Variants in MEX3C observed in about 807,000 individuals in gnomAD.
MEX3C encodes the protein RNA-binding E3 ubiquitin-protein ligase MEX3C.
A neutral mutation model predicts 35.5 loss-of-function variants in MEX3C; 15 were observed. The observed-to-expected ratio is 0.42, with a 90% CI of 0.28 to 0.65. MEX3C has a LOEUF of 0.65. Among genes scored for constraint, MEX3C ranks in the 30% least tolerant of loss-of-function variants. The pLI, the probability that MEX3C is intolerant of heterozygous loss-of-function variation, is 0.20. For synonymous variants in MEX3C, 390 were observed against 352.8 expected, an observed-to-expected ratio of 1.11 and a Z score of -1.18; for missense variants, 711 against 842.8, an observed-to-expected ratio of 0.84 and a Z score of 1.94.
At chr18:51,188,721 T>C (rs1228244875) in intron 1 of MEX3C, among the ~76,000 whole-genome samples, 1 of 152,122 alleles carries the variant, frequency 6.6e-6, no homozygotes, top group African/African-American at 2.4e-5. Flanking sequence ...AGAAAAAAAT[T>C]TAGTTCAATA....
In MEX3C at chr18:51,196,886, C is replaced by G; in HGVS notation, c.435G>C (p.Ser145=). The stretch of plus-strand genomic sequence containing the variant: ...TCTGAGAGGCGGTGGCCGCGGGCGG[C>G]GACAGCAGCAGCAGCGACGACCGGT... ...EEDRSSLLLL[S]PPAATASQTQ... The change falls in exon 1 of 2, where the codon TCG becomes TCC. Residue 145 remains serine, a synonymous_variant. Transcript: ENST00000406189. 6.5e-7 allele frequency: 1 copy of G among 1,540,998 alleles called. No homozygotes were observed.
chr18:51,178,945 A>G (rs575693766), intron 1 of MEX3C, among the ~76,000 whole-genome samples: 1 of 151,862 alleles, frequency 6.6e-6, no homozygotes, highest in South Asian at 2.1e-4. Context: ...TTTTTCTTAA[A>G]TGCTCCCTTC....
In MEX3C at chr18:51,176,770, CAG is replaced by C. The variant is rs777334681; in HGVS notation, c.1559_1560del (p.Ser520TrpfsTer5). ...TTACCAGAAGGATCACTCCCAAAGCCAGAGAGTGGGTTAACTGGTTCAAATGG... is the reference window on the plus strand; with the variant it reads ...TTACCAGAAGGATCACTCCCAAAGCCAGAGTGGGTTAACTGGTTCAAATGG... ...WTPFEPVNPL[S>X]GFGSDPSGNM... On this transcript the variant is annotated frameshift_variant, in exon 2 of 2. Transcript: ENST00000406189. LOFTEE classifies it high-confidence loss of function. 1 of 1,613,942 alleles carries C rather than the reference CAG, an allele frequency of 6.2e-7. No individual in the cohort carries two copies. The highest frequency in any genetic ancestry group is 1.1e-5 in the South Asian group (1 of 91,064).
Position 51,177,493 on chromosome 18 carries a change from T to C in MEX3C, c.838A>G (p.Thr280Ala). Residue 280 changes from threonine to alanine, a missense_variant, in exon 2 of 2, where the codon ACT becomes GCT. Around this residue, in one of 4 missense-constraint regions of MEX3C, gnomAD observed 83 missense variants for 179.1 expected, o/e 0.46. Coordinates refer to ENST00000406189, the MANE Select transcript of MEX3C (RefSeq NM_016626.5). The surrounding 1 kb of genome is among the most constrained non-coding windows in gnomAD (Gnocchi z 4.2). Reference protein sequence around the residue: ...VRGEEPIFVVTGRKEDVAMAK... With the variant: ...VRGEEPIFVVAGRKEDVAMAK... ...ATGGCAACATCTTCTTTCCTTCCAGTGACAACAAAAATGGGCTCTTCACCA... is the reference window on the plus strand; with the variant it reads ...ATGGCAACATCTTCTTTCCTTCCAGCGACAACAAAAATGGGCTCTTCACCA... 6.2e-7 allele frequency: 1 copy of C among 1,614,050 alleles called. No individual in the cohort carries two copies. Among genetic ancestry groups the C allele is most frequent in the Non-Finnish European group, 8.5e-7 (1 of 1,179,902 alleles).
chr18:51,187,926 G>A (rs1223075321), intron 1 of MEX3C, among the ~76,000 whole-genome samples: 1 of 152,092 alleles, frequency 6.6e-6, no homozygotes, highest in East Asian at 1.9e-4. Context: ...ATTGCCATTA[G>A]TTCTATTAAT....
chr18:51,187,599 T>C (rs1247692846), intron 1 of MEX3C, among the ~76,000 whole-genome samples: 3 of 152,122 alleles, frequency 2.0e-5, no homozygotes, highest in Admixed American at 6.6e-5. Flanking sequence ...ACACATCATT[T>C]TGGGAGGCTG....
At chr18:51,195,789 A>G (rs1912770480) in intron 1 of MEX3C, 1 of 152,184 alleles carries the variant, frequency 6.6e-6, no homozygotes, top group African/African-American at 2.4e-5. Context: ...ATGTGGGAGG[A>G]GTCTGTCTGC....
intron 1 of MEX3C, among the ~76,000 whole-genome samples, chr18:51,182,607 C>A (rs982237449): frequency 6.6e-6 from 1 of 152,146 alleles, no homozygotes; most frequent in Non-Finnish European, 1.5e-5. Context: ...CCTTAAAACC[C>A]TTTAGCTGCA....
In MEX3C at chr18:51,197,040, G is replaced by A; in HGVS notation, c.281C>T (p.Pro94Leu). 2.0e-6 allele frequency: 3 copies of A among 1,511,306 alleles called. No individual in the cohort carries two copies. The highest frequency in any genetic ancestry group is 1.4e-5 in the African/African-American group (1 of 69,412). The allele number at this position is 1,511,306 out of a possible 1,614,324, so 93.6% of individuals were successfully genotyped here. A position where few individuals can be genotyped will look rare whatever the true frequency, so the allele number is the denominator to read the frequency against. ...AAELSPEERA[P>L]PGRPGAPEAA... is the part of the protein sequence containing the mutation. ...CTCCGGGGCCCCGGGCCGGCCGGGCGGAGCCCGCTCCTCTGGAGACAGCTC... is the reference window on the plus strand; with the variant it reads ...CTCCGGGGCCCCGGGCCGGCCGGGCAGAGCCCGCTCCTCTGGAGACAGCTC... Residue 94 changes from proline (P) to leucine (L), a missense_variant, in exon 1 of 2, where the codon CCG becomes CTG. By Grantham distance (98) the Pro-to-Leu change is moderately conservative (BLOSUM62 -3). Coordinates refer to ENST00000406189, the MANE Select transcript of MEX3C (RefSeq NM_016626.5).
intron 1 of MEX3C, among the ~76,000 whole-genome samples, chr18:51,178,577 A>G (rs1912353272): frequency 6.6e-6 from 1 of 152,116 alleles, no homozygotes; most frequent in South Asian, 2.1e-4. Context: ...TTGTCAAAAT[A>G]AAGAAGCTAG....
At chr18:51,189,139 A>G (rs559977371) in intron 1 of MEX3C, among the ~76,000 whole-genome samples, 2 of 152,342 alleles carry the variant, frequency 1.3e-5, no homozygotes, top group African/African-American at 4.8e-5. Context: ...TGTTGTTATT[A>G]AAAGACAAGT....
At position 51,196,772 on chromosome 18, in the gene MEX3C, C is replaced by T; in HGVS notation, c.549G>A (p.Ala183=). 1.4e-6 allele frequency: 2 copies of T among 1,479,624 alleles called. No individual in the cohort carries two copies. The highest frequency in any genetic ancestry group is 1.8e-6 in the Non-Finnish European group (2 of 1,110,480). 91.7% of individuals were successfully genotyped at this position (1,479,624 alleles called of 1,614,324 possible). ...DAREAAAAAA[A]AGVLYGGDDA... ...CGTCCCCTCCGTACAGCACCCCCGC[C>T]GCCGCCGCCGCGGCCGCCGCCTCCC... The change falls in exon 1 of 2, where the codon GCG becomes GCA. Residue 183 remains alanine (A), a synonymous_variant. Transcript: ENST00000406189.
At chr18:51,195,013 A>G (rs1912743509) in intron 1 of MEX3C, 1 of 152,212 alleles carries the variant, frequency 6.6e-6, no homozygotes, top group African/African-American at 2.4e-5. Flanking sequence ...GTGCCATTCT[A>G]CTGTTTATTA....
intron 1 of MEX3C, among the ~76,000 whole-genome samples, chr18:51,191,174 T>TGTA (rs1350305320): frequency 6.6e-6 from 1 of 152,214 alleles, no homozygotes; most frequent in Non-Finnish European, 1.5e-5. Flanking sequence ...AAAATAGTAC[T>TGTA]GTAGTAGTCA....
rs1239375701 is a variant in MEX3C, at chr18:51,196,783, C to T, written c.538G>A (p.Ala180Thr). 7.6e-6 allele frequency: 4 copies of T among 525,976 alleles called. No homozygotes were observed. The highest frequency in any genetic ancestry group is 4.6e-4 in the Middle Eastern group (1 of 2,180). 32.6% of individuals were successfully genotyped at this position (525,976 alleles called of 1,614,324 possible). A position where few individuals can be genotyped will look rare whatever the true frequency, so the allele number is the denominator to read the frequency against. The change falls in exon 1 of 2, where the codon GCG (alanine) becomes ACG (threonine). Residue 180 changes from alanine (A) to threonine (T), a missense_variant. Ala to Thr is a moderately conservative substitution (Grantham distance 58, BLOSUM62 0). Around this residue, in one of 4 missense-constraint regions of MEX3C, gnomAD observed 354 missense variants for 311.6 expected, o/e 1.14. Coordinates refer to ENST00000406189, the MANE Select transcript of MEX3C (RefSeq NM_016626.5). Reference protein sequence around the residue: ...ARFDAREAAAAAAAAGVLYGG... With the variant: ...ARFDAREAAATAAAAGVLYGG... ...TACAGCACCCCCGCCGCCGCCGCCGCGGCCGCCGCCTCCCGGGCATCGAAC... is the reference window on the plus strand; with the variant it reads ...TACAGCACCCCCGCCGCCGCCGCCGTGGCCGCCGCCTCCCGGGCATCGAAC...
intron 1 of MEX3C, chr18:51,195,613 G>C (rs1284168277): frequency 6.6e-6 from 1 of 152,126 alleles, no homozygotes; most frequent in Non-Finnish European, 1.5e-5. Flanking sequence ...ATTGTCATGC[G>C]GTGGCAGCAG....
Position 51,197,638 on chromosome 18 carries a change from G to A in MEX3C, c.-318C>T, listed in dbSNP as rs1190710022. 1.3e-5 allele frequency among the ~76,000 whole-genome samples: 2 copies of A among 151,612 alleles called. No homozygotes were observed. Among genetic ancestry groups the A allele is most frequent in the Non-Finnish European group, 2.9e-5 (2 of 67,856 alleles). ...GTTTCATGGCCTTAACCAGCCCCCG[G>A]CGCGCGCGGCGGCGGCGGCTACGCC... On this transcript the variant is annotated 5_prime_UTR_variant, in exon 1 of 2. Transcript: ENST00000406189.
chr18:51,185,992 A>G (rs1912529378), intron 1 of MEX3C, among the ~76,000 whole-genome samples: 1 of 152,208 alleles, frequency 6.6e-6, no homozygotes, highest in Non-Finnish European at 1.5e-5. Context: ...GATTATGTTT[A>G]TGTTGGGAGA....
Position 51,176,807 on chromosome 18 carries a change from A to G in MEX3C, c.1524T>C (p.Thr508=), listed in dbSNP as rs142940707. 2 of 1,613,998 alleles carry G rather than the reference A, an allele frequency of 1.2e-6. No homozygotes were observed. The highest frequency in any genetic ancestry group is 1.3e-5 in the African/African-American group (1 of 75,048). ...TAACTGGTTCAAATGGAGTCCAGAT[A>G]GTTTGAGCAGATGTTGGTAAAGAGT... ...AFDSLPTSAQ[T]IWTPFEPVNP... Residue 508 remains threonine, a synonymous_variant, in exon 2 of 2, where the codon ACT becomes ACC. Transcript: ENST00000406189.
Sources: gnomAD v4.1 joint callset for allele counts (sites outside exome capture counted in the v4.1 genomes callset) on GRCh38, gnomAD v4.1.1 for gene constraint, gnomAD v4.1.1 regional missense constraint, Gnocchi (gnomAD v3.1) non-coding constraint, MANE v1.5 for transcripts, NCBI Gene and HGNC (gene_info 2026-07-23, HGNC 2026-07-21) for gene names.